The following ADAMTS20 variants were observed in gnomAD, a reference collection of about 807,000 sequenced individuals.
ADAMTS20 encodes the protein A disintegrin and metalloproteinase with thrombospondin motifs 20.
In ADAMTS20, 225 loss-of-function variants were observed where a neutral mutation model predicts 260.1. The ratio of observed to expected loss-of-function variants is 0.87; its 90% CI spans 0.78 to 0.97. The LOEUF is 0.97. ADAMTS20 is among the 50% of genes least tolerant of loss of function. The probability of loss-of-function intolerance (pLI) is 0.00; values close to 1 mark genes in which losing one functional copy is unlikely to be tolerated. For synonymous variants in ADAMTS20, 802 were observed against 769.5 expected (o/e 1.04, Z -0.70); for missense variants, 2,400 against 2,337.7 (o/e 1.03, Z -0.55).
chr12:43,484,316 T>C (rs1942487607), intron 7 of ADAMTS20, among the ~76,000 whole-genome samples: 1 of 152,116 alleles, frequency 6.6e-6, no homozygotes. Context: ...TCTCCAGAAG[T>C]GGGTGTAAGC....
chr12:43,427,255 T>C, intron 27 of ADAMTS20, 53 bp downstream of exon 27: 1 of 1,566,744 alleles, frequency 6.4e-7, no homozygotes, highest in Non-Finnish European at 8.7e-7. Context: ...CTTTTTACTT[T>C]CAGTCTTCAG....
chr12:43,543,914 A>G (rs1276090786), intron 2 of ADAMTS20, among the ~76,000 whole-genome samples: 1 of 152,220 alleles, frequency 6.6e-6, no homozygotes, highest in Non-Finnish European at 1.5e-5. Context: ...CTATAGTTAT[A>G]AATTATATAG....
At chr12:43,471,317 C>A (rs1488733534) in intron 7 of ADAMTS20, among the ~76,000 whole-genome samples, 1 of 151,448 alleles carries the variant, frequency 6.6e-6, no homozygotes, top group Non-Finnish European at 1.5e-5. Flanking sequence ...ATATCCCACA[C>A]CTGGCTCGGA....
At chr12:43,372,972 A>T (rs1472867009) in intron 36 of ADAMTS20, among the ~76,000 whole-genome samples, 1 of 152,228 alleles carries the variant, frequency 6.6e-6, no homozygotes, top group Non-Finnish European at 1.5e-5. Flanking sequence ...TATAAGTTAG[A>T]CATTTAGAAA....
intron 11 of ADAMTS20, among the ~76,000 whole-genome samples, chr12:43,456,901 T>C (rs1364177845): frequency 6.6e-6 from 1 of 151,932 alleles, no homozygotes; most frequent in African/African-American, 2.4e-5. Flanking sequence ...CAGATATGAA[T>C]TACTGATTAG....
intron 37 of ADAMTS20, among the ~76,000 whole-genome samples, chr12:43,365,114 G>A (rs1939955221): frequency 1.3e-5 from 2 of 152,130 alleles, no homozygotes; most frequent in Non-Finnish European, 2.9e-5. Context: ...TATTCAAAGT[G>A]CTGAAAATAA....
chr12:43,464,649 T>A lies in ADAMTS20; in HGVS notation c.1451A>T (p.Asp484Val). The change falls in exon 10 of 39, where the codon GAT (aspartate) becomes GTT (valine). Residue 484 changes from aspartate (D) to valine (V), a missense_variant. Transcript: ENST00000389420. ...CGCAAGCTCACACTGCTTGTTTCCA[T>A]CATATCGTGATCCAGGAAGTTCTGA... ...LPSELPGSRYDGNKQCELAFG... is the reference protein window; with the variant it reads ...LPSELPGSRYVGNKQCELAFG... The A allele has an allele frequency of 6.2e-7, 1 of 1,613,482 alleles. No homozygotes were observed. Among genetic ancestry groups the A allele is most frequent in the Non-Finnish European group, 8.5e-7 (1 of 1,179,494 alleles).
At chr12:43,421,637 A>G (rs1941240436) in intron 28 of ADAMTS20, among the ~76,000 whole-genome samples, 1 of 152,070 alleles carries the variant, frequency 6.6e-6, no homozygotes. Context: ...TCATAAGCAT[A>G]TCTATTTTTA....
At chr12:43,412,611 G>A (rs1458868915) in intron 28 of ADAMTS20, among the ~76,000 whole-genome samples, 1 of 151,938 alleles carries the variant, frequency 6.6e-6, no homozygotes, top group Non-Finnish European at 1.5e-5. Context: ...TGCTGACAAG[G>A]AGACAGGATC....
At chr12:43,407,773 C>T (rs979630975) in intron 28 of ADAMTS20, among the ~76,000 whole-genome samples, 1 of 152,068 alleles carries the variant, frequency 6.6e-6, no homozygotes, top group East Asian at 1.9e-4. Flanking sequence ...AGTTATTGAA[C>T]TTGAGTTTAT....
At chr12:43,400,864 T>C (rs1297519786) in intron 28 of ADAMTS20, among the ~76,000 whole-genome samples, 1 of 151,982 alleles carries the variant, frequency 6.6e-6, no homozygotes, top group African/African-American at 2.4e-5. Context: ...AAGCATTTAT[T>C]ACTCCCTCTG....
At chr12:43,402,589 C>A (rs1347657132) in intron 28 of ADAMTS20, among the ~76,000 whole-genome samples, 2 of 151,956 alleles carry the variant, frequency 1.3e-5, no homozygotes, top group Non-Finnish European at 2.9e-5. Flanking sequence ...ATAGAGTAAA[C>A]AACTAGTGAA....
rs906492351 is a variant in ADAMTS20, at chr12:43,414,480, C to CA, written c.4284+11033dup. ...TTTAACAGGGTACTTATATCCAGAA[C>CA]AAAAAAATAGCTCCCATATATCAGT... is the stretch of plus-strand genomic sequence containing the variant. On this transcript the variant is annotated intron_variant, in intron 28 of 38. Coordinates refer to ENST00000389420, the MANE Select transcript of ADAMTS20 (RefSeq NM_025003.5). Among the ~76,000 whole-genome samples, 14 of 151,776 alleles carry CA rather than the reference C, an allele frequency of 9.2e-5. No individual in the cohort carries two copies. The East Asian group carries it at 1.4e-3, about 15-fold the overall frequency.
intron 3 of ADAMTS20, among the ~76,000 whole-genome samples, chr12:43,518,231 C>G (rs1053274847): frequency 2.6e-5 from 4 of 152,046 alleles, no homozygotes; most frequent in Non-Finnish European, 4.4e-5. Flanking sequence ...ATAAGTTTTA[C>G]TTATGCAAAT....
At chr12:43,514,086 TAAAAAAAAAAAAAA>T (rs71091163) in intron 3 of ADAMTS20, among the ~76,000 whole-genome samples, 8 of 100,546 alleles carry the variant, frequency 8.0e-5, no homozygotes, top group African/African-American at 3.1e-4. Flanking sequence ...GAATAAACTC[TAAAAAAAAAAAAAA>T]AAAAAAAAAA....
intron 2 of ADAMTS20, among the ~76,000 whole-genome samples, chr12:43,544,808 CAG>C (rs1943421470): frequency 6.6e-6 from 1 of 152,232 alleles, no homozygotes; most frequent in South Asian, 2.1e-4. Flanking sequence ...TCATTTAAAC[CAG>C]AGTCATTAAA....
chr12:43,514,460 G>A (rs1942970341), intron 3 of ADAMTS20, among the ~76,000 whole-genome samples: 1 of 149,280 alleles, frequency 6.7e-6, no homozygotes, highest in Admixed American at 6.7e-5. Flanking sequence ...TACTCGGGAG[G>A]CTGAGGCAGG....
chr12:43,513,880 GA>G, intron 3 of ADAMTS20, among the ~76,000 whole-genome samples: 1 of 145,976 alleles, frequency 6.9e-6, no homozygotes, highest in Non-Finnish European at 1.5e-5. Context: ...ATAGACACAG[GA>G]AGGGGAACAT....
intron 26 of ADAMTS20, 90 bp from the exon 27 acceptor site, chr12:43,427,559 ATC>A: frequency 1.6e-6 from 2 of 1,251,492 alleles, no homozygotes; most frequent in Non-Finnish European, 1.1e-6. Flanking sequence ...CATTGACTCA[ATC>A]AAAATCAAAC....
Sources: gnomAD v4.1 joint callset for allele counts (sites outside exome capture counted in the v4.1 genomes callset) on GRCh38, gnomAD v4.1.1 for gene constraint, MANE v1.5 for transcripts, NCBI Gene and HGNC (gene_info 2026-07-23, HGNC 2026-07-21) for gene names.